C10orf90: variants seen among roughly 807,000 people sequenced by gnomAD.
The protein encoded by C10orf90 is (E2-independent) E3 ubiquitin-conjugating enzyme FATS.
A neutral mutation model predicts 62.5 loss-of-function variants in C10orf90; 56 were observed. The observed-to-expected ratio is 0.90, with a 90% CI of 0.72 to 1.12. The LOEUF (loss-of-function observed/expected upper bound fraction) is 1.12, where lower values mean the gene tolerates loss of function less well. Ranked by LOEUF, C10orf90 falls within the 50% of genes most tolerant of loss-of-function variation. The probability of loss-of-function intolerance (pLI) is 0.00; values close to 1 mark genes in which losing one functional copy is unlikely to be tolerated. For missense variants in C10orf90, 970 were observed against 880.4 expected, an observed-to-expected ratio of 1.10 and a Z score of -1.29; for synonymous variants, 386 against 340.4, an observed-to-expected ratio of 1.13 and a Z score of -1.47.
At position 126,550,420 on chromosome 10, in the gene C10orf90, A is replaced by G. The variant is rs561923628; in HGVS notation, c.314-36481T>C. On this transcript the variant is annotated intron_variant, in intron 2 of 9. Coordinates refer to ENST00000488181, the MANE Select transcript of C10orf90 (RefSeq NM_001350921.2). ...GAAATGCTCTGTCTTGAGTATACCA[A>G]TGGCAGTATCCTTTATGATACTGTA... Among the ~76,000 whole-genome samples the G allele has an allele frequency of 9.2e-5, 14 of 152,306 alleles. No individual in the cohort carries two copies. The East Asian group carries it at 1.9e-3, about 21-fold the overall frequency.
At chr10:126,455,049 T>C (rs1379968832) in intron 7 of C10orf90, among the ~76,000 whole-genome samples, 1 of 152,070 alleles carries the variant, frequency 6.6e-6, no homozygotes, top group Non-Finnish European at 1.5e-5. Context: ...CTGATCCCTC[T>C]ACCTGAGAAC....
chr10:126,586,097 C>T (rs1844864958), intron 2 of C10orf90, among the ~76,000 whole-genome samples: 1 of 152,204 alleles, frequency 6.6e-6, no homozygotes, highest in South Asian at 2.1e-4. Context: ...TAAGTTGTTA[C>T]ATGTCCTAAT....
At chr10:126,646,492 T>C in intron 2 of C10orf90, 73 bp downstream of exon 2, 1 of 318,048 alleles carries the variant, frequency 3.1e-6, no homozygotes, top group Non-Finnish European at 6.2e-6. Flanking sequence ...TTAATAAAAA[T>C]AAAAGAGAGA....
intron 7 of C10orf90, among the ~76,000 whole-genome samples, chr10:126,458,055 C>T (rs1859698103): frequency 2.0e-5 from 3 of 152,092 alleles, no homozygotes. Context: ...TAGACAGCTC[C>T]ACCAGCAGAG....
In C10orf90 at chr10:126,605,879, G is replaced by A. The variant is rs73386857; in HGVS notation, c.313+40686C>T. On this transcript the variant is annotated intron_variant, in intron 2 of 9. Transcript: ENST00000488181. ...AAGGAAAACCTAAAAATACATACAT[G>A]CATACATACATACATACATACATAC... Among the ~76,000 whole-genome samples the A allele has an allele frequency of 1.6e-3, 234 of 142,796 alleles. 2 individuals are homozygous for A. Among genetic ancestry groups the A allele is most frequent in the African/African-American group, 6.0e-3 (201 of 33,636 alleles). 93.7% of individuals were successfully genotyped at this position (142,796 alleles called of 152,430 possible).
intron 4 of C10orf90, among the ~76,000 whole-genome samples, chr10:126,503,402 G>T (rs964403715): frequency 6.6e-6 from 1 of 152,122 alleles, no homozygotes; most frequent in East Asian, 1.9e-4. Context: ...TCCCTGACTT[G>T]CCTAATTTAG....
chr10:126,547,064 G>A (rs376751287), intron 2 of C10orf90, among the ~76,000 whole-genome samples: 6 of 152,010 alleles, frequency 3.9e-5, no homozygotes, highest in African/African-American at 1.5e-4. Flanking sequence ...AGCCAAGATC[G>A]TGCTACTGCA....
chr10:126,494,264 A>C (rs1176199661), intron 4 of C10orf90, among the ~76,000 whole-genome samples: 1 of 152,200 alleles, frequency 6.6e-6, no homozygotes, highest in Non-Finnish European at 1.5e-5. Context: ...AACTGCATAA[A>C]TTTCCCTTTA....
rs1297750261 is a variant in C10orf90 at position 126,670,240 on chromosome 10, C to A, written c.240+1G>T. 2.2e-6 allele frequency: 1 copy of A among 456,688 alleles called. No individual in the cohort carries two copies. The highest frequency in any genetic ancestry group is 7.0e-5 in the East Asian group (1 of 14,384). The allele number at this position is 456,688 out of a possible 1,614,324, so 28.3% of individuals were successfully genotyped here. On this transcript the variant is annotated splice_donor_variant, in intron 1 of 9. Coordinates refer to ENST00000488181, the MANE Select transcript of C10orf90 (RefSeq NM_001350921.2). LOFTEE classifies it high-confidence loss of function. ...ACTCACCCACCCAGGCTCAGCCATA[C>A]CTCATATCTGCTGGCTGTCTGCTCA... is the stretch of plus-strand genomic sequence containing the variant.
chr10:126,668,271 T>C (rs1484940846), intron 1 of C10orf90, among the ~76,000 whole-genome samples: 1 of 152,224 alleles, frequency 6.6e-6, no homozygotes, highest in African/African-American at 2.4e-5. Context: ...CCTTTGTGCA[T>C]TGAGAGTTCA....
chr10:126,618,720 G>A (rs1170244635), intron 2 of C10orf90, among the ~76,000 whole-genome samples: 1 of 152,082 alleles, frequency 6.6e-6, no homozygotes, highest in Non-Finnish European at 1.5e-5. Flanking sequence ...AGCATATTGA[G>A]GAATCACCAT....
chr10:126,577,118 T>C (rs1844643525), intron 2 of C10orf90, among the ~76,000 whole-genome samples: 1 of 151,936 alleles, frequency 6.6e-6, no homozygotes, highest in African/African-American at 2.4e-5. Context: ...TAATATGTTA[T>C]ATCATTTTAA....
chr10:126,574,020 C>T (rs1334522031), intron 2 of C10orf90, among the ~76,000 whole-genome samples: 1 of 152,110 alleles, frequency 6.6e-6, no homozygotes, highest in East Asian at 1.9e-4. Context: ...ATGTTCTTTG[C>T]TCCACAACAA....
chr10:126,537,098 A>G (rs1864258013), intron 2 of C10orf90, among the ~76,000 whole-genome samples: 1 of 152,212 alleles, frequency 6.6e-6, no homozygotes, highest in Non-Finnish European at 1.5e-5. Flanking sequence ...TTTGCAGTCC[A>G]CAGATCCTTA....
chr10:126,639,649 C>G lies in C10orf90; in HGVS notation c.313+6916G>C, dbSNP rs184736702. Among the ~76,000 whole-genome samples the G allele has an allele frequency of 1.1e-4, 16 of 152,340 alleles. No individual in the cohort carries two copies. In the East Asian group the frequency reaches 3.1e-3, roughly 29 times the overall value. On this transcript the variant is annotated intron_variant, in intron 2 of 9. Transcript: ENST00000488181. ...TGGATGAAGTCTTGTTGCCAACTGCCTTGGTACACAAGAGGCAGTAACTGA... is the reference window on the plus strand; with the variant it reads ...TGGATGAAGTCTTGTTGCCAACTGCGTTGGTACACAAGAGGCAGTAACTGA...
chr10:126,565,623 C>T (rs1393378632), intron 2 of C10orf90, among the ~76,000 whole-genome samples: 1 of 151,268 alleles, frequency 6.6e-6, no homozygotes, highest in African/African-American at 2.4e-5. Flanking sequence ...AGGCTCTGCA[C>T]TTGTGGTAGC....
chr10:126,565,705 C>A (rs76435735), intron 2 of C10orf90, among the ~76,000 whole-genome samples: 1,555 of 152,076 alleles, frequency 0.01, 26 homozygotes, highest in African/African-American at 0.035. Flanking sequence ...AAGAGGCCAT[C>A]CCCATGCAAG....
At chr10:126,644,943 TG>T (rs551118399) in intron 2 of C10orf90, among the ~76,000 whole-genome samples, 122 of 152,350 alleles carry the variant, frequency 8.0e-4, no homozygotes, top group Non-Finnish European at 8.5e-4. Flanking sequence ...AGGCAATTTC[TG>T]GGCTAAGTTT....
In C10orf90 at chr10:126,541,715, T is replaced by C. The variant is rs184269192; in HGVS notation, c.314-27776A>G. 7.9e-5 allele frequency among the ~76,000 whole-genome samples: 12 copies of C among 152,302 alleles called. No homozygotes were observed. In the East Asian group the frequency reaches 2.1e-3, roughly 27 times the overall value. On this transcript the variant is annotated intron_variant, in intron 2 of 9. Transcript: ENST00000488181. The stretch of plus-strand genomic sequence containing the variant: ...AGAAAATAACAAGTGTTGGTGAGGA[T>C]GTAGAGAAATGGAAAGTCTCATCCG...
Sources: gnomAD v4.1 joint callset for allele counts (sites outside exome capture counted in the v4.1 genomes callset) on GRCh38, gnomAD v4.1.1 for gene constraint, MANE v1.5 for transcripts, NCBI Gene and HGNC (gene_info 2026-07-23, HGNC 2026-07-21) for gene names.